Variants in CERS3 observed in about 807,000 individuals in gnomAD.
CERS3 encodes the protein ceramide synthase 3, also known as LAG1 homolog, ceramide synthase 3.
A neutral mutation model predicts 50.3 loss-of-function variants in CERS3; 33 were observed. The observed-to-expected ratio is 0.66, with a 90% CI of 0.50 to 0.88. The LOEUF is 0.88. CERS3 is among the 40% of genes least tolerant of loss of function. CERS3 has a pLI of 0.00. For synonymous variants in CERS3, 176 were observed against 155.2 expected (o/e 1.13, Z -0.99); for missense variants, 470 against 460.3 (o/e 1.02, Z -0.19).
chr15:100,501,505 A>G (rs1251637723), intron 3 of CERS3, among the ~76,000 whole-genome samples, 172 bp downstream of exon 3: 1 of 152,210 alleles, frequency 6.6e-6, no homozygotes, highest in Non-Finnish European at 1.5e-5. Context: ...CAGCCTTTAA[A>G]TAACATTTGG....
chr15:100,514,747 T>C (rs1005163668), intron 2 of CERS3, among the ~76,000 whole-genome samples: 3 of 152,006 alleles, frequency 2.0e-5, no homozygotes, highest in Non-Finnish European at 2.9e-5. Flanking sequence ...GATCTCATTA[T>C]ATGATACTAT....
At chr15:100,457,360 A>G (rs1375590391) in intron 10 of CERS3, among the ~76,000 whole-genome samples, 2 of 152,194 alleles carry the variant, frequency 1.3e-5, no homozygotes, top group East Asian at 3.8e-4. Flanking sequence ...CTCCACACAT[A>G]AACTTGGCAA....
At chr15:100,480,327 A>C (rs1398770131) in intron 5 of CERS3, among the ~76,000 whole-genome samples, 1 of 152,214 alleles carries the variant, frequency 6.6e-6, no homozygotes, top group Non-Finnish European at 1.5e-5. Flanking sequence ...AGCATAAAGT[A>C]AGCAACAATA....
rs535049554 is a variant in CERS3, at chr15:100,441,568, G to A, written c.999+14325C>T. Among the ~76,000 whole-genome samples the A allele has an allele frequency of 1.8e-4, 28 of 151,860 alleles. No homozygotes were observed. In the South Asian group the frequency reaches 5.4e-3, roughly 29 times the overall value. On this transcript the variant is annotated intron_variant, in intron 11 of 11. Transcript: ENST00000679737. ...CTCCATTCCCCCTTCTTCTCCCTTA[G>A]CCTGTGTTCTCAAAAACCTAAAACC...
At chr15:100,501,879 T>C in intron 2 of CERS3, 29 bp from the exon 3 acceptor site, 1 of 1,606,704 alleles carries the variant, frequency 6.2e-7, no homozygotes, top group South Asian at 1.1e-5. Flanking sequence ...ACATTAGGCT[T>C]GTAAAACAAA....
At chr15:100,470,635 A>C (rs529425907) in intron 9 of CERS3, among the ~76,000 whole-genome samples, 13 of 152,272 alleles carry the variant, frequency 8.5e-5, no homozygotes, top group African/African-American at 2.9e-4. Flanking sequence ...AGGGTGAAGT[A>C]ACACACTTTT....
At chr15:100,531,227 A>C (rs932733498), upstream of CERS3, among the ~76,000 whole-genome samples, 6 of 152,268 alleles carry the variant, frequency 3.9e-5, no homozygotes, top group African/African-American at 1.4e-4. Flanking sequence ...CTATTTAGAC[A>C]TAGTTCTATA....
At chr15:100,431,639 T>C (rs1567609595) in intron 11 of CERS3, among the ~76,000 whole-genome samples, 1 of 152,180 alleles carries the variant, frequency 6.6e-6, no homozygotes, top group South Asian at 2.1e-4. Context: ...ATTTTTCCAG[T>C]GGGGAGAAGA....
intron 11 of CERS3, among the ~76,000 whole-genome samples, chr15:100,414,793 G>A (rs1190060192): frequency 2.8e-5 from 4 of 141,164 alleles, no homozygotes; most frequent in Non-Finnish European, 4.6e-5. Context: ...ATGGATTGAA[G>A]CCTTAAATGT....
At chr15:100,444,232 T>G (rs1177307282) in intron 11 of CERS3, among the ~76,000 whole-genome samples, 1 of 152,154 alleles carries the variant, frequency 6.6e-6, no homozygotes, top group Non-Finnish European at 1.5e-5. Context: ...CTCTCATAAC[T>G]TCCAAAATCT....
intron 11 of CERS3, among the ~76,000 whole-genome samples, chr15:100,438,602 T>C (rs2033537716): frequency 8.7e-6 from 1 of 114,420 alleles, no homozygotes; most frequent in Non-Finnish European, 2.0e-5. Flanking sequence ...AATTACTGTG[T>C]GAATTTGGTC....
At chr15:100,514,315 A>G (rs2036433384) in intron 2 of CERS3, among the ~76,000 whole-genome samples, 1 of 152,234 alleles carries the variant, frequency 6.6e-6, no homozygotes, top group Non-Finnish European at 1.5e-5. Flanking sequence ...AAATTCTTTA[A>G]TTGACACTTA....
At chr15:100,473,386 GA>G (rs893790688) in intron 8 of CERS3, among the ~76,000 whole-genome samples, 24 of 150,458 alleles carry the variant, frequency 1.6e-4, no homozygotes, top group African/African-American at 5.1e-4. Flanking sequence ...TCCCCAAAAA[GA>G]AAAAAAAGAT....
chr15:100,537,698 T>C (rs1326479981), intron 1 of CERS3, among the ~76,000 whole-genome samples: 4 of 152,230 alleles, frequency 2.6e-5, no homozygotes, highest in African/African-American at 9.6e-5. Context: ...GTGAGGATTA[T>C]GGAAATTACA....
chr15:100,402,845 A>G lies in CERS3; in HGVS notation c.1020T>C (p.Ser340=), dbSNP rs1484001703. Residue 340 remains serine (S), a synonymous_variant, in exon 12 of 12, where the codon AGT becomes AGC. Transcript: ENST00000679737. The stretch of plus-strand genomic sequence containing the variant: ...CTTCCTCTTCATAATCCTCGTCATC[A>G]CTCCTCACATCCTGGATGCTCTAGA... ...IFMKSIQDVR[S]DDEDYEEEEE... 2.5e-6 allele frequency: 4 copies of G among 1,605,976 alleles called. No individual in the cohort carries two copies. The South Asian group carries it at 3.3e-5, about 13-fold the overall frequency.
chr15:100,414,285 C>T (rs895132182), intron 11 of CERS3, among the ~76,000 whole-genome samples: 8 of 152,152 alleles, frequency 5.3e-5, no homozygotes, highest in Non-Finnish European at 1.2e-4. Flanking sequence ...AGAGAAAACA[C>T]AAACAAATGG....
At chr15:100,505,936 G>T (rs1265679268) in intron 2 of CERS3, among the ~76,000 whole-genome samples, 2 of 152,198 alleles carry the variant, frequency 1.3e-5, no homozygotes, top group East Asian at 1.9e-4. Context: ...GATTGCTTGA[G>T]CCCAGAGGCA....
At chr15:100,456,323 T>G (rs570462604) in intron 10 of CERS3, among the ~76,000 whole-genome samples, 2 of 152,344 alleles carry the variant, frequency 1.3e-5, no homozygotes, top group South Asian at 4.1e-4. Context: ...CTTGGTTTCC[T>G]TTTTTCAAAC....
At position 100,402,258 on chromosome 15, in the gene CERS3, C is replaced by A. The variant is rs1449733881; in HGVS notation, c.*455G>T. On this transcript the variant is annotated 3_prime_UTR_variant, in exon 12 of 12. Transcript: ENST00000679737. ...GATGGAAGTGTCTCCTGGTGTGGTCCTTCCGCTCCTGTCCCACTGCCACTT... is the reference window on the plus strand; with the variant it reads ...GATGGAAGTGTCTCCTGGTGTGGTCATTCCGCTCCTGTCCCACTGCCACTT... 1 of 157,102 alleles carries A rather than the reference C, an allele frequency of 6.4e-6. No individual in the cohort carries two copies. Among genetic ancestry groups the A allele is most frequent in the Non-Finnish European group, 1.4e-5 (1 of 71,300 alleles). The allele number at this position is 157,102 out of a possible 1,614,324, so 9.7% of individuals were successfully genotyped here. A position where few individuals can be genotyped will look rare whatever the true frequency, so the allele number is the denominator to read the frequency against.
Sources: allele counts gnomAD v4.1 joint callset (sites outside exome capture counted in the v4.1 genomes callset), GRCh38; gene constraint gnomAD v4.1.1; transcripts MANE v1.5; gene names NCBI Gene and HGNC (gene_info 2026-07-23, HGNC 2026-07-21).